SLC12A3: variants seen among roughly 807,000 people sequenced by gnomAD.
SLC12A3 encodes the protein Na-Cl cotransporter.
In SLC12A3, 104 loss-of-function variants were observed where a neutral mutation model predicts 121.0. That is an observed-to-expected ratio of 0.86 (90% CI 0.73 to 1.01). The LOEUF (loss-of-function observed/expected upper bound fraction) is 1.01. Among genes scored for constraint, SLC12A3 ranks in the 50% least tolerant of loss-of-function variants. The pLI is 0.00. For synonymous variants in SLC12A3, 536 were observed against 533.4 expected (o/e 1.00, Z -0.07); for missense variants, 1,328 against 1,356.3 (o/e 0.98, Z 0.33).
Position 56,867,135 on chromosome 16 carries a change from G to T in SLC12A3, c.348G>T (p.Gly116=). The T allele has an allele frequency of 6.2e-7, 1 of 1,614,078 alleles. No individual in the cohort carries two copies. The highest frequency in any genetic ancestry group is 8.5e-7 in the Non-Finnish European group (1 of 1,180,024). ...GGCCCAGCCACGAGATGACTGATGG[G>T]CTGGTGGAGGGCGAGGCAGGCACCA... ...DSRPSHEMTD[G]LVEGEAGTSS... is the part of the protein sequence containing the mutation. The change falls in exon 2 of 26, where the codon GGG becomes GGT. Residue 116 remains glycine (G), a synonymous_variant. Coordinates refer to ENST00000563236, the MANE Select transcript of SLC12A3 (RefSeq NM_001126108.2).
At chr16:56,902,623 T>C in intron 24 of SLC12A3, 115 bp downstream of exon 24, 1 of 1,310,292 alleles carries the variant, frequency 7.6e-7, no homozygotes, top group South Asian at 1.3e-5. Flanking sequence ...TGCCTTCCAC[T>C]CCGGCCCCTG....
At position 56,879,205 on chromosome 16, in the gene SLC12A3, A is replaced by C; in HGVS notation, c.1313A>C (p.Tyr438Ser). 6.2e-7 allele frequency: 1 copy of C among 1,613,938 alleles called. No homozygotes were observed. Among genetic ancestry groups the C allele is most frequent in the Non-Finnish European group, 8.5e-7 (1 of 1,180,038 alleles). Residue 438 changes from tyrosine to serine, a missense_variant, in exon 10 of 26, where the codon TAC becomes TCC. By Grantham distance (144) the Tyr-to-Ser change is moderately radical. Transcript: ENST00000563236. Reference sequence around the variant, plus strand: ...TGCACCCAGCAGCACAGCTGCCACTACGGCCTCATCAACTATTACCAGGTA... The same window carrying C: ...TGCACCCAGCAGCACAGCTGCCACTCCGGCCTCATCAACTATTACCAGGTA... Reference protein sequence around the residue: ...TECTQQHSCHYGLINYYQTMS... With the variant: ...TECTQQHSCHSGLINYYQTMS...
intron 8 of SLC12A3, among the ~76,000 whole-genome samples, chr16:56,874,119 C>T (rs543759024): frequency 2.0e-5 from 3 of 152,354 alleles, no homozygotes; most frequent in South Asian, 2.1e-4. Flanking sequence ...TCTGTTGCCC[C>T]GGCATCTGGA....
At chr16:56,898,327 C>G (rs988529120) in intron 22 of SLC12A3, among the ~76,000 whole-genome samples, 2 of 151,980 alleles carry the variant, frequency 1.3e-5, no homozygotes, top group African/African-American at 2.4e-5. Flanking sequence ...GGAGTGCAGT[C>G]GGCTCACTGC....
At chr16:56,889,185 G>A (rs1174963401) in intron 18 of SLC12A3, among the ~76,000 whole-genome samples, 1 of 152,068 alleles carries the variant, frequency 6.6e-6, no homozygotes, top group Non-Finnish European at 1.5e-5. Flanking sequence ...CAGGTATGCT[G>A]TTAACCAGCT....
intron 9 of SLC12A3, among the ~76,000 whole-genome samples, chr16:56,878,422 C>G (rs896140710): frequency 6.6e-6 from 1 of 151,996 alleles, no homozygotes; most frequent in Admixed American, 6.6e-5. Context: ...CTTGAAGGCC[C>G]AGATTCATGA....
rs371897720 is a variant in SLC12A3, at chr16:56,886,437, C to T, written c.1999C>T (p.Arg667Trp). 45 of 1,613,982 alleles carry T rather than the reference C, an allele frequency of 2.8e-5. No homozygotes were observed. Among genetic ancestry groups the T allele is most frequent in the Admixed American group, 1.2e-4 (7 of 60,006 alleles). The change falls in exon 16 of 26, where the codon CGG (arginine) becomes TGG (tryptophan). Residue 667 changes from arginine to tryptophan, a missense_variant. Transcript: ENST00000563236. Reference protein sequence around the residue: ...ALVDFVGTFTRNLSLMICGHV... With the variant: ...ALVDFVGTFTWNLSLMICGHV... ...GGTGGACTTTGTGGGCACCTTCACC[C>T]GGAACCTCAGCCTGATGATCTGTGG...
chr16:56,867,644 C>T (rs1213445331), intron 2 of SLC12A3, among the ~76,000 whole-genome samples: 1 of 152,180 alleles, frequency 6.6e-6, no homozygotes, highest in Non-Finnish European at 1.5e-5. Context: ...GGGTTCTGAT[C>T]TTAACGCTGC....
chr16:56,883,931 A>G, intron 13 of SLC12A3, 118 bp from the exon 14 acceptor site: 1 of 1,137,452 alleles, frequency 8.8e-7, no homozygotes, highest in Non-Finnish European at 1.3e-6. Flanking sequence ...TGGTGGGTAC[A>G]GGCTGGGACC....
intron 13 of SLC12A3, 91 bp from the exon 14 acceptor site, chr16:56,883,958 C>A: frequency 6.9e-7 from 1 of 1,440,690 alleles, no homozygotes; most frequent in Non-Finnish European, 9.7e-7. Context: ...CTGGGCACTG[C>A]TGGCATTACT....
chr16:56,872,321 C>A, intron 6 of SLC12A3, 30 bp from the exon 7 acceptor site: 1 of 1,515,164 alleles, frequency 6.6e-7, no homozygotes. Flanking sequence ...ACAAAACTAT[C>A]TGACCTCTGG....
intron 23 of SLC12A3, among the ~76,000 whole-genome samples, chr16:56,901,900 C>A (rs923901941): frequency 6.6e-6 from 1 of 152,238 alleles, no homozygotes; most frequent in Non-Finnish European, 1.5e-5. Context: ...CACCCCCTGT[C>A]CCGTGCATGG....
chr16:56,884,282 T>G (rs1052638617), intron 14 of SLC12A3, 78 bp downstream of exon 14: 2 of 1,444,256 alleles, frequency 1.4e-6, no homozygotes, highest in Non-Finnish European at 1.9e-6. Context: ...CCGCCCCAGT[T>G]GGAGGGCCCT....
Position 56,865,367 on chromosome 16 carries a change from C to T in SLC12A3, c.132C>T (p.His44=). 1 of 1,614,220 alleles carries T rather than the reference C, an allele frequency of 6.2e-7. No homozygotes were observed. The highest frequency in any genetic ancestry group is 1.3e-5 in the African/African-American group (1 of 75,078). Residue 44 remains histidine (H), a synonymous_variant, in exon 1 of 26, where the codon CAC becomes CAT. Transcript: ENST00000563236. ...CCTATGACAGCAGCCACCCCAGCCA[C>T]CTGACCCACAGCAGCACCTTCTGCA... ...PAAYDSSHPS[H]LTHSSTFCMR...
intron 9 of SLC12A3, 34 bp from the exon 10 acceptor site, chr16:56,879,039 G>A (rs866823353): frequency 6.3e-7 from 1 of 1,583,414 alleles, no homozygotes; most frequent in Non-Finnish European, 8.6e-7. Context: ...AGGAGGGAAG[G>A]CAGACCTCCC....
intron 12 of SLC12A3, 87 bp from the exon 13 acceptor site, chr16:56,882,309 G>T (rs2055251650): frequency 2.8e-6 from 3 of 1,082,450 alleles, no homozygotes; most frequent in Admixed American, 1.7e-5. Flanking sequence ...CCTGTCTGGG[G>T]TCCCCCACCC....
At position 56,901,345 on chromosome 16, in the gene SLC12A3, C is replaced by CTTTTTTTTTTTTTTTTTTTTTT. The variant is rs1408480661; in HGVS notation, c.2721-1027_2721-1026insTTTTTTTTTTTTTTTTTTTTTT. Among the ~76,000 whole-genome samples, 2 of 84,166 alleles carry CTTTTTTTTTTTTTTTTTTTTTT rather than the reference C, an allele frequency of 2.4e-5. 1 individual carries two copies. Among genetic ancestry groups the CTTTTTTTTTTTTTTTTTTTTTT allele is most frequent in the African/African-American group, 1.2e-4 (2 of 16,226 alleles). 55.2% of individuals were successfully genotyped at this position (84,166 alleles called of 152,430 possible). ...GCCAATCAGCCCTACATCTCTCTCT[C>CTTTTTTTTTTTTTTTTTTTTTT]TCTTTTTTTTTTTTGAGACAGTCTC... On this transcript the variant is annotated intron_variant, in intron 23 of 25. Transcript: ENST00000563236.
chr16:56,905,355 A>AAT (rs2055594187), intron 25 of SLC12A3, among the ~76,000 whole-genome samples: 2 of 151,466 alleles, frequency 1.3e-5, no homozygotes, highest in Admixed American at 1.3e-4. Flanking sequence ...AAAAAAAAAA[A>AAT]AAAAAAGAAG....
In SLC12A3 at chr16:56,878,162, G is replaced by T. The variant is rs749098014; in HGVS notation, c.1180+1G>T. On this transcript the variant is annotated splice_donor_variant, in intron 9 of 25. Transcript: ENST00000563236. LOFTEE classifies it high-confidence loss of function. ...TACCTGGCCATCTCAGCCACCATTG[G>T]TAAGTGGCCGGCCCAGCCAGTCAGG... 2.2e-5 allele frequency: 35 copies of T among 1,610,004 alleles called. No individual in the cohort carries two copies. The highest frequency in any genetic ancestry group is 2.5e-5 in the Non-Finnish European group (30 of 1,178,550).
Sources: allele counts gnomAD v4.1 joint callset (sites outside exome capture counted in the v4.1 genomes callset), GRCh38; gene constraint gnomAD v4.1.1; transcripts MANE v1.5; gene names NCBI Gene and HGNC (gene_info 2026-07-23, HGNC 2026-07-21).